The following NAALADL2 variants were observed in gnomAD, a reference collection of about 807,000 sequenced individuals.
The protein encoded by NAALADL2 is inactive N-acetylated-alpha-linked acidic dipeptidase-like protein 2.
NAALADL2 carries 76 observed loss-of-function variants against 87.2 expected under a neutral mutation model. The ratio of observed to expected loss-of-function variants is 0.87; its 90% confidence interval spans 0.72 to 1.05. NAALADL2 has a LOEUF of 1.05. NAALADL2 is among the 50% of genes least tolerant of loss of function. The pLI is 0.00. For synonymous variants in NAALADL2, 354 were observed against 331.0 expected (o/e 1.07, Z -0.75); for missense variants, 1,089 against 945.8 (o/e 1.15, Z -1.99).
intron 1 of NAALADL2, among the ~76,000 whole-genome samples, chr3:174,924,754 C>G (rs1360846985): frequency 6.6e-6 from 1 of 152,278 alleles, no homozygotes; most frequent in South Asian, 2.1e-4. Context: ...GATCACCATT[C>G]TAATTGGTGT....
At chr3:175,271,486 G>C (rs1752826931) in intron 4 of NAALADL2, among the ~76,000 whole-genome samples, 1 of 152,088 alleles carries the variant, frequency 6.6e-6, no homozygotes, top group Non-Finnish European at 1.5e-5. Flanking sequence ...TTTTGCAAAA[G>C]TTAAAGCTAT....
intron 3 of NAALADL2, among the ~76,000 whole-genome samples, chr3:174,805,800 A>G (rs1476407272): frequency 1.3e-5 from 2 of 152,242 alleles, no homozygotes; most frequent in East Asian, 1.9e-4. Flanking sequence ...AATATGAGTT[A>G]AATCATAAAT....
intron 11 of NAALADL2, among the ~76,000 whole-genome samples, chr3:175,656,721 ATG>A (rs373183644): frequency 1.8e-4 from 26 of 148,340 alleles, no homozygotes; most frequent in East Asian, 3.9e-4. Context: ...GTGTGTGTGT[ATG>A]TGTGTGTGTG....
chr3:175,038,333 GA>G (rs1377803143), intron 1 of NAALADL2, among the ~76,000 whole-genome samples: 4 of 152,000 alleles, frequency 2.6e-5, no homozygotes, highest in South Asian at 2.1e-4. Flanking sequence ...AATAAAATAA[GA>G]AAAAAATGAA....
At chr3:174,622,412 G>T (rs902835218) in intron 2 of NAALADL2, among the ~76,000 whole-genome samples, 1 of 152,126 alleles carries the variant, frequency 6.6e-6, no homozygotes, top group Non-Finnish European at 1.5e-5. Context: ...AGAAATACAA[G>T]AACATTATGT....
intron 2 of NAALADL2, among the ~76,000 whole-genome samples, chr3:175,169,404 G>T (rs1734456100): frequency 6.6e-6 from 1 of 150,894 alleles, no homozygotes; most frequent in South Asian, 2.1e-4. Context: ...ATGAATCTCA[G>T]TTTTATATGT....
At chr3:175,150,382 T>C (rs1050157509) in intron 2 of NAALADL2, among the ~76,000 whole-genome samples, 2 of 152,220 alleles carry the variant, frequency 1.3e-5, no homozygotes, top group African/African-American at 4.8e-5. Context: ...TAGCTTTGTT[T>C]ATCTCAGCTG....
At chr3:174,641,249 C>G (rs992034851) in intron 2 of NAALADL2, among the ~76,000 whole-genome samples, 2 of 152,132 alleles carry the variant, frequency 1.3e-5, no homozygotes, top group East Asian at 1.9e-4. Context: ...CCGCGGGCCT[C>G]GGTTGAGATC....
intron 11 of NAALADL2, among the ~76,000 whole-genome samples, chr3:175,630,006 G>A (rs1272936027): frequency 6.6e-6 from 1 of 151,694 alleles, no homozygotes; most frequent in African/African-American, 2.4e-5. Context: ...ACCTGCTTAG[G>A]TTCAGAAGCA....
intron 3 of NAALADL2, among the ~76,000 whole-genome samples, chr3:174,739,371 A>G (rs1733533398): frequency 6.6e-6 from 1 of 152,144 alleles, no homozygotes; most frequent in South Asian, 2.1e-4. Context: ...TATGTCTACA[A>G]GAAAATCGGA....
At chr3:174,963,149 C>T (rs1432580976) in intron 1 of NAALADL2, among the ~76,000 whole-genome samples, 2 of 151,948 alleles carry the variant, frequency 1.3e-5, no homozygotes, top group African/African-American at 4.8e-5. Context: ...TCTGGTGATA[C>T]CAAGCTTAAC....
At chr3:175,528,902 G>T (rs1314088350) in intron 9 of NAALADL2, among the ~76,000 whole-genome samples, 2 of 152,168 alleles carry the variant, frequency 1.3e-5, no homozygotes, top group South Asian at 4.1e-4. Flanking sequence ...CCTTGTTTAT[G>T]CATCTGGTCA....
At chr3:175,742,634 T>A (rs1397287551) in intron 12 of NAALADL2, among the ~76,000 whole-genome samples, 1 of 152,160 alleles carries the variant, frequency 6.6e-6, no homozygotes, top group Non-Finnish European at 1.5e-5. Context: ...CCTGACCCCA[T>A]GATCCGCCCG....
chr3:174,815,365 A>T (rs984424704), intron 3 of NAALADL2, among the ~76,000 whole-genome samples: 1 of 152,116 alleles, frequency 6.6e-6, no homozygotes, highest in Non-Finnish European at 1.5e-5. Flanking sequence ...GTGGATGGTT[A>T]TCTTCTCCCT....
intron 4 of NAALADL2, among the ~76,000 whole-genome samples, chr3:175,323,282 G>A (rs1560358341): frequency 7.3e-6 from 1 of 136,126 alleles, no homozygotes; most frequent in Non-Finnish European, 1.5e-5. Flanking sequence ...GGTGGGAATT[G>A]AACAATGAGA....
At chr3:174,896,699 A>G (rs1034937305) in intron 1 of NAALADL2, among the ~76,000 whole-genome samples, 8 of 152,182 alleles carry the variant, frequency 5.3e-5, no homozygotes, top group African/African-American at 1.7e-4. Context: ...TGAAACTACA[A>G]AAGACTCAGA....
intron 11 of NAALADL2, among the ~76,000 whole-genome samples, chr3:175,707,197 G>A (rs1166937494): frequency 6.6e-6 from 1 of 151,988 alleles, no homozygotes; most frequent in Non-Finnish European, 1.5e-5. Flanking sequence ...GGCTTTGTGG[G>A]CCATGTGCTA....
intron 1 of NAALADL2, among the ~76,000 whole-genome samples, chr3:174,442,758 C>T (rs1374387767): frequency 2.6e-5 from 4 of 152,038 alleles, no homozygotes; most frequent in African/African-American, 9.7e-5. Context: ...TAAGGTGAAA[C>T]CGTAATAAGT....
At chr3:175,286,141 T>G (rs1754942857) in intron 4 of NAALADL2, among the ~76,000 whole-genome samples, 1 of 152,168 alleles carries the variant, frequency 6.6e-6, no homozygotes, top group African/African-American at 2.4e-5. Context: ...ATAATTTTAT[T>G]ATGCACATTT....
Sources: allele counts gnomAD v4.1 joint callset (sites outside exome capture counted in the v4.1 genomes callset), GRCh38; gene constraint gnomAD v4.1.1; transcripts MANE v1.5; gene names NCBI Gene and HGNC (gene_info 2026-07-23, HGNC 2026-07-21).